The following MAGI3 variants were observed in gnomAD, a reference collection of about 807,000 sequenced individuals.
The protein encoded by MAGI3 is membrane associated guanylate kinase, WW and PDZ domain containing 3.
Under a neutral mutation model 121.8 loss-of-function variants are expected in MAGI3, and 43 were observed. The observed-to-expected ratio is 0.35, with a 90% confidence interval of 0.28 to 0.46. MAGI3 has a LOEUF of 0.46. Among genes scored for constraint, MAGI3 ranks in the 20% least tolerant of loss-of-function variants. The pLI is 1.00. For synonymous variants in MAGI3, 553 were observed against 639.3 expected (o/e 0.86, Z 2.04); for missense variants, 1,547 against 1,797.3 (o/e 0.86, Z 2.52).
At chr1:113,670,956 A>G (rs1439256456) in intron 16 of MAGI3, among the ~76,000 whole-genome samples, 1 of 152,218 alleles carries the variant, frequency 6.6e-6, no homozygotes, top group African/African-American at 2.4e-5. Flanking sequence ...ATATTTAAAC[A>G]TAATAAAATG....
At chr1:113,602,301 C>T (rs1649451960) in intron 6 of MAGI3, among the ~76,000 whole-genome samples, 1 of 152,080 alleles carries the variant, frequency 6.6e-6, no homozygotes, top group South Asian at 2.1e-4. Flanking sequence ...TAGAAATCAA[C>T]TCCTAAAGGA....
intron 6 of MAGI3, among the ~76,000 whole-genome samples, chr1:113,603,011 C>G (rs1649503588): frequency 6.6e-6 from 1 of 151,230 alleles, no homozygotes; most frequent in Admixed American, 6.6e-5. Context: ...ATCAAAGAGA[C>G]AAAAAGCTGG....
intron 1 of MAGI3, among the ~76,000 whole-genome samples, chr1:113,465,651 A>G (rs1041791182): frequency 6.6e-6 from 1 of 152,030 alleles, no homozygotes; most frequent in African/African-American, 2.4e-5. Flanking sequence ...ATATCTTTCA[A>G]TTTTTTTGGC....
intron 1 of MAGI3, among the ~76,000 whole-genome samples, chr1:113,401,331 A>G (rs1651389563): frequency 6.6e-6 from 1 of 152,154 alleles, no homozygotes; most frequent in African/African-American, 2.4e-5. Context: ...AACACTGGGC[A>G]AGTACTTACA....
rs895681717 is a variant in MAGI3, at chr1:113,423,261, G to GC, written c.316+31912_316+31913insC. On this transcript the variant is annotated intron_variant, in intron 1 of 20. Transcript: ENST00000307546. ...GTAAGTATTCGTTTTTTTTTTTTTG[G>GC]GGGGGGGGTTGTTTTTGTTTTTGTT... 9.9e-5 allele frequency among the ~76,000 whole-genome samples: 14 copies of GC among 140,756 alleles called. No individual in the cohort carries two copies. The South Asian group carries it at 1.4e-3, about 14-fold the overall frequency. The allele number at this position is 140,756 out of a possible 152,430, so 92.3% of individuals were successfully genotyped here. A position where few individuals can be genotyped will look rare whatever the true frequency, so the allele number is the denominator to read the frequency against.
chr1:113,394,837 G>A (rs1651007124), intron 1 of MAGI3, among the ~76,000 whole-genome samples: 1 of 152,102 alleles, frequency 6.6e-6, no homozygotes, highest in African/African-American at 2.4e-5. Context: ...AGGAAACAAT[G>A]TTATAGTTTG....
intron 1 of MAGI3, among the ~76,000 whole-genome samples, chr1:113,467,270 T>C (rs1468711033): frequency 6.6e-6 from 1 of 152,198 alleles, no homozygotes. Context: ...CCTCTTGTTA[T>C]TGATTTTTAG....
At chr1:113,453,145 G>A (rs1654566219) in intron 1 of MAGI3, among the ~76,000 whole-genome samples, 2 of 152,144 alleles carry the variant, frequency 1.3e-5, no homozygotes, top group Admixed American at 1.3e-4. Flanking sequence ...GATACAAGTG[G>A]AGCCAATGGT....
intron 1 of MAGI3, among the ~76,000 whole-genome samples, chr1:113,485,711 C>T (rs560797187): frequency 4.6e-5 from 7 of 152,176 alleles, no homozygotes; most frequent in South Asian, 2.1e-4. Context: ...CATTTGCTTT[C>T]GGGTTCTTAG....
At chr1:113,638,732 C>T (rs974572611) in intron 9 of MAGI3, among the ~76,000 whole-genome samples, 2 of 74,212 alleles carry the variant, frequency 2.7e-5, no homozygotes, top group African/African-American at 5.7e-5. Flanking sequence ...TCTCCAGCTG[C>T]GTGCTAGGAG....
At chr1:113,432,550 A>T (rs1055959613) in intron 1 of MAGI3, among the ~76,000 whole-genome samples, 5 of 151,908 alleles carry the variant, frequency 3.3e-5, no homozygotes, top group African/African-American at 4.8e-5. Flanking sequence ...TTTTTTTTTT[A>T]AATAATTGGG....
rs764642069 is a variant in MAGI3 at position 113,585,394 on chromosome 1, C to T, written c.561C>T (p.Phe187=). The T allele has an allele frequency of 2.5e-6, 4 of 1,613,772 alleles. No homozygotes were observed. The highest frequency in any genetic ancestry group is 1.7e-5 in the Admixed American group (1 of 59,946). The change falls in exon 4 of 21, where the codon TTC becomes TTT. Residue 187 remains phenylalanine, a synonymous_variant. Transcript: ENST00000307546. ...LLESGTYDGN[F]YGTPKPPAEP... is the part of the protein sequence containing the mutation. ...CTATTTTATTCACTTCAGGAAACTT[C>T]TATGGAACTCCCAAGCCTCCAGCAG... is the stretch of plus-strand genomic sequence containing the variant.
chr1:113,470,782 T>C (rs1655503835), intron 1 of MAGI3, among the ~76,000 whole-genome samples: 1 of 152,092 alleles, frequency 6.6e-6, no homozygotes, highest in Non-Finnish European at 1.5e-5. Flanking sequence ...ATAAGTGAGA[T>C]GGAGTATTTG....
chr1:113,611,657 T>C (rs902057069), intron 6 of MAGI3, among the ~76,000 whole-genome samples: 1 of 152,160 alleles, frequency 6.6e-6, no homozygotes, highest in African/African-American at 2.4e-5. Flanking sequence ...ATTTCGTCCT[T>C]TATTACTGCT....
chr1:113,394,152 T>C (rs1375537151), intron 1 of MAGI3, among the ~76,000 whole-genome samples: 1 of 152,236 alleles, frequency 6.6e-6, no homozygotes, highest in Non-Finnish European at 1.5e-5. Flanking sequence ...AACATCTTTC[T>C]GGCAGCTACT....
intron 1 of MAGI3, among the ~76,000 whole-genome samples, chr1:113,417,740 G>A (rs1652529122): frequency 6.6e-6 from 1 of 151,962 alleles, no homozygotes; most frequent in Non-Finnish European, 1.5e-5. Context: ...ATAACTGATA[G>A]TTACTTGTCT....
rs1204071407 is a variant in MAGI3, at chr1:113,447,797, TA to T, written c.316+56449del. ...TGAATCTGGGAGGCGGACGTTGCAGTAGAGCCGAGATCACGCCACTGCACTC... is the reference window on the plus strand; with the variant it reads ...TGAATCTGGGAGGCGGACGTTGCAGTGAGCCGAGATCACGCCACTGCACTC... On this transcript the variant is annotated intron_variant, in intron 1 of 20. Transcript: ENST00000307546. 4.1e-4 allele frequency among the ~76,000 whole-genome samples: 62 copies of T among 151,496 alleles called. 1 individual carries two copies. The highest frequency in any genetic ancestry group is 2.0e-4 in the East Asian group (1 of 5,114).
chr1:113,456,998 T>C (rs1654792845), intron 1 of MAGI3, among the ~76,000 whole-genome samples: 1 of 152,146 alleles, frequency 6.6e-6, no homozygotes, highest in Non-Finnish European at 1.5e-5. Context: ...AATTAAAAAC[T>C]TTTGGAATTA....
At chr1:113,532,057 A>G (rs1417834510) in intron 1 of MAGI3, among the ~76,000 whole-genome samples, 1 of 152,206 alleles carries the variant, frequency 6.6e-6, no homozygotes, top group Non-Finnish European at 1.5e-5. Context: ...ACCATAATAC[A>G]ATAAGAGCTA....
Sources: gnomAD v4.1 joint callset for allele counts (sites outside exome capture counted in the v4.1 genomes callset) on GRCh38, gnomAD v4.1.1 for gene constraint, MANE v1.5 for transcripts, NCBI Gene and HGNC (gene_info 2026-07-23, HGNC 2026-07-21) for gene names.